EMC2: variants seen among roughly 807,000 people sequenced by gnomAD.
EMC2 encodes the protein ER membrane protein complex subunit 2, also known as TPR repeat protein 35.
In EMC2, 37 loss-of-function variants were observed where a neutral mutation model predicts 51.6. The ratio of observed to expected loss-of-function variants is 0.72; its 90% confidence interval spans 0.55 to 0.94. The LOEUF is 0.94. Among genes scored for constraint, EMC2 ranks in the 40% least tolerant of loss-of-function variants. The pLI, the probability that EMC2 is intolerant of heterozygous loss-of-function variation, is 0.00. For missense variants in EMC2, 359 were observed against 350.9 expected, an observed-to-expected ratio of 1.02 and a Z score of -0.18; for synonymous variants, 131 against 112.4, an observed-to-expected ratio of 1.17 and a Z score of -1.04.
chr8:108,451,668 A>G (rs1480104570), intron 3 of EMC2, among the ~76,000 whole-genome samples: 1 of 110,742 alleles, frequency 9.0e-6, no homozygotes, highest in Admixed American at 9.1e-5. Context: ...ATATTCATAG[A>G]GGTGACCGTT....
chr8:108,453,221 C>A, intron 4 of EMC2, 74 bp downstream of exon 4: 1 of 777,682 alleles, frequency 1.3e-6, no homozygotes, highest in Non-Finnish European at 2.1e-6. Context: ...TTTTTTAATT[C>A]AGACATTCTA....
intron 9 of EMC2, among the ~76,000 whole-genome samples, chr8:108,477,682 T>A (rs1373494432): frequency 1.3e-5 from 2 of 152,040 alleles, no homozygotes; most frequent in Non-Finnish European, 2.9e-5. Context: ...CAAGAAAATT[T>A]TCCTGGATTT....
rs992878326 is a variant in EMC2, at chr8:108,445,897, A to G, written c.40+2199A>G. Among the ~76,000 whole-genome samples the G allele has an allele frequency of 4.6e-5, 7 of 152,166 alleles. No individual in the cohort carries two copies. The South Asian group carries it at 1.2e-3, about 27-fold the overall frequency. On this transcript the variant is annotated intron_variant, in intron 1 of 10. Coordinates refer to ENST00000220853, the MANE Select transcript of EMC2 (RefSeq NM_014673.5). Reference sequence around the variant, plus strand: ...AAGCCATTTTTCTAGCGTTGAAATAATTTCTTTAGTATCTTAGATACAGGT... The same window carrying G: ...AAGCCATTTTTCTAGCGTTGAAATAGTTTCTTTAGTATCTTAGATACAGGT...
chr8:108,487,457 A>AT lies in EMC2; in HGVS notation c.*865dup, dbSNP rs1304055528. Among the ~76,000 whole-genome samples the AT allele has an allele frequency of 6.6e-6, 1 of 151,892 alleles. No homozygotes were observed. The highest frequency in any genetic ancestry group is 1.5e-5 in the Non-Finnish European group (1 of 67,936). ...CTATTCTATCATTACCTTAGTTAGA[A>AT]TTTTTTATTTTTCTCTTTTCATAAT... On this transcript the variant is annotated 3_prime_UTR_variant, in exon 11 of 11. Coordinates refer to ENST00000220853, the MANE Select transcript of EMC2 (RefSeq NM_014673.5).
intron 5 of EMC2, among the ~76,000 whole-genome samples, chr8:108,465,663 G>A (rs756237340): frequency 1.3e-5 from 2 of 152,254 alleles, no homozygotes; most frequent in Admixed American, 6.5e-5. Flanking sequence ...AATGCCTCCA[G>A]ATTGTTTATT....
At chr8:108,464,272 T>C (rs922083521) in intron 5 of EMC2, 1 of 152,274 alleles carries the variant, frequency 6.6e-6, no homozygotes, top group Non-Finnish European at 1.5e-5. Context: ...TAAAACTTTT[T>C]CACCTTTGAG....
intron 2 of EMC2, 79 bp from the exon 3 acceptor site, chr8:108,450,347 CAG>C (rs1818986311): frequency 2.4e-6 from 2 of 816,770 alleles, no homozygotes; most frequent in African/African-American, 1.7e-5. Context: ...CTAGAAATAT[CAG>C]AAACTAGAAT....
chr8:108,457,858 A>G (rs1368036873), intron 5 of EMC2, among the ~76,000 whole-genome samples: 1 of 152,164 alleles, frequency 6.6e-6, no homozygotes, highest in East Asian at 1.9e-4. Context: ...GAAAGTCTTA[A>G]CTCATTTCAA....
intron 5 of EMC2, among the ~76,000 whole-genome samples, chr8:108,468,032 T>C (rs1054172877): frequency 6.6e-6 from 1 of 152,220 alleles, no homozygotes; most frequent in Non-Finnish European, 1.5e-5. Context: ...GGATTCAGTT[T>C]CTTGTCTTTT....
Position 108,488,798 on chromosome 8 carries a change from A to G in EMC2, c.*2200A>G, listed in dbSNP as rs1158360463. Among the ~76,000 whole-genome samples the G allele has an allele frequency of 2.6e-5, 4 of 152,208 alleles. No individual in the cohort carries two copies. ...CTTTTTGCAGTGAAGGAAATCAACC[A>G]TCCATTCTGTCTCTCTATTGTGGTA... On this transcript the variant is annotated 3_prime_UTR_variant, in exon 11 of 11. Coordinates refer to ENST00000220853, the MANE Select transcript of EMC2 (RefSeq NM_014673.5).
At chr8:108,477,874 A>C (rs1379701822) in intron 9 of EMC2, among the ~76,000 whole-genome samples, 1 of 152,046 alleles carries the variant, frequency 6.6e-6, no homozygotes, top group Non-Finnish European at 1.5e-5. Flanking sequence ...CCGCACATCA[A>C]CTGTTTGAGT....
intron 4 of EMC2, 123 bp downstream of exon 4, chr8:108,453,270 C>T: frequency 2.2e-6 from 1 of 459,610 alleles, no homozygotes; most frequent in Non-Finnish European, 4.0e-6. Flanking sequence ...CTTTAATTTA[C>T]ATTTTTTGAT....
chr8:108,483,639 C>T (rs1253896057), intron 10 of EMC2, among the ~76,000 whole-genome samples: 1 of 152,164 alleles, frequency 6.6e-6, no homozygotes, highest in African/African-American at 2.4e-5. Context: ...CAAGGTATCT[C>T]AGTTATTACA....
intron 1 of EMC2, among the ~76,000 whole-genome samples, chr8:108,447,266 A>G (rs935085734): frequency 2.0e-5 from 3 of 147,258 alleles, no homozygotes; most frequent in African/African-American, 7.6e-5. Flanking sequence ...TTTATACCCT[A>G]TTAATGGATT....
At chr8:108,474,633 C>T (rs1810916285) in intron 7 of EMC2, 1 of 151,720 alleles carries the variant, frequency 6.6e-6, no homozygotes, top group Non-Finnish European at 1.5e-5. Context: ...ATTAGGTAAT[C>T]TGCAGGGTGT....
chr8:108,483,922 TA>T (rs1342943211), intron 10 of EMC2, among the ~76,000 whole-genome samples: 2 of 152,100 alleles, frequency 1.3e-5, no homozygotes, highest in African/African-American at 2.4e-5. Flanking sequence ...TAAACCGGTA[TA>T]GAGTATATAA....
intron 9 of EMC2, among the ~76,000 whole-genome samples, chr8:108,477,980 G>A (rs1810977937): frequency 6.6e-6 from 1 of 151,946 alleles, no homozygotes; most frequent in South Asian, 2.1e-4. Context: ...TGATCGAGTT[G>A]GGTTTCCAGC....
At chr8:108,462,067 A>G (rs1339042566) in intron 5 of EMC2, among the ~76,000 whole-genome samples, 1 of 152,190 alleles carries the variant, frequency 6.6e-6, no homozygotes, top group Non-Finnish European at 1.5e-5. Flanking sequence ...TCAGCCTCTC[A>G]AAGTGCTGGG....
chr8:108,464,820 A>G (rs1461721355), intron 5 of EMC2, among the ~76,000 whole-genome samples: 1 of 152,204 alleles, frequency 6.6e-6, no homozygotes, highest in Non-Finnish European at 1.5e-5. Flanking sequence ...GTAAACGGTA[A>G]ATGTGTAAGA....
Sources: gnomAD v4.1 joint callset for allele counts (sites outside exome capture counted in the v4.1 genomes callset) on GRCh38, gnomAD v4.1.1 for gene constraint, MANE v1.5 for transcripts, NCBI Gene and HGNC (gene_info 2026-07-23, HGNC 2026-07-21) for gene names.